The following LRBA variants were observed in gnomAD, a reference collection of about 807,000 sequenced individuals.
The protein encoded by LRBA is lipopolysaccharide-responsive and beige-like anchor protein.
Under a neutral mutation model 330.0 loss-of-function variants are expected in LRBA, and 176 were observed. The observed-to-expected ratio is 0.53, with a 90% CI of 0.47 to 0.60. The LOEUF (loss-of-function observed/expected upper bound fraction) is 0.60, where lower values mean the gene tolerates loss of function less well. LRBA is among the 20% of genes least tolerant of loss of function. The pLI, the probability that LRBA is intolerant of heterozygous loss-of-function variation, is 0.00. For synonymous variants in LRBA, 1,230 were observed against 1,193.0 expected, an observed-to-expected ratio of 1.03 and a Z score of -0.64; for missense variants, 3,259 against 3,444.8, an observed-to-expected ratio of 0.95 and a Z score of 1.35.
At chr4:150,662,860 G>A (rs1781243347) in intron 37 of LRBA, among the ~76,000 whole-genome samples, 2 of 152,140 alleles carry the variant, frequency 1.3e-5, no homozygotes, top group African/African-American at 2.4e-5. Flanking sequence ...AGGAGGCTGA[G>A]GCAAGAGAAT....
At chr4:150,872,520 CTAGTGGGATTACATTTAT>C in intron 18 of LRBA, 125 bp downstream of exon 18, 1 of 519,342 alleles carries the variant, frequency 1.9e-6, no homozygotes, top group Non-Finnish European at 3.4e-6. Flanking sequence ...AAAATATGTA[CTAGTGGGATTACATTTAT>C]ACAGCAATTT....
intron 17 of LRBA, among the ~76,000 whole-genome samples, chr4:150,890,004 G>A (rs1264896911): frequency 2.6e-5 from 4 of 152,034 alleles, no homozygotes; most frequent in African/African-American, 9.7e-5. Context: ...GAATATGATC[G>A]AGAGCAATAA....
intron 17 of LRBA, among the ~76,000 whole-genome samples, chr4:150,891,582 C>T (rs1475820399): frequency 1.3e-5 from 2 of 152,190 alleles, no homozygotes; most frequent in African/African-American, 2.4e-5. Flanking sequence ...AGCAGACTGC[C>T]TTTGGACTTG....
chr4:150,617,901 G>A (rs1474028590), intron 37 of LRBA, among the ~76,000 whole-genome samples: 1 of 152,102 alleles, frequency 6.6e-6, no homozygotes, highest in African/African-American at 2.4e-5. Flanking sequence ...GAGCCCAGGA[G>A]TTCAACACCA....
At chr4:150,787,507 A>T (rs1739252253) in intron 34 of LRBA, among the ~76,000 whole-genome samples, 1 of 152,066 alleles carries the variant, frequency 6.6e-6, no homozygotes, top group African/African-American at 2.4e-5. Flanking sequence ...TTCTATCTCA[A>T]TACTTTTTGT....
intron 24 of LRBA, among the ~76,000 whole-genome samples, chr4:150,850,491 T>C (rs1280793788): frequency 6.6e-6 from 1 of 152,192 alleles, no homozygotes; most frequent in Non-Finnish European, 1.5e-5. Flanking sequence ...GGAAATCTAC[T>C]ACAAATTTTT....
intron 36 of LRBA, among the ~76,000 whole-genome samples, chr4:150,712,083 A>G (rs548995112): frequency 1.3e-5 from 2 of 152,342 alleles, no homozygotes; most frequent in Admixed American, 1.3e-4. Context: ...AGTATACTGT[A>G]GCGATTAAAA....
intron 22 of LRBA, among the ~76,000 whole-genome samples, chr4:150,855,458 CTTTGAT>C (rs1751110900): frequency 6.6e-6 from 1 of 151,992 alleles, no homozygotes; most frequent in Non-Finnish European, 1.5e-5. Flanking sequence ...TAATCATTTG[CTTTGAT>C]TTTATTTATA....
rs559175090 is a variant in LRBA at position 150,310,039 on chromosome 4, T to G, written c.7849+190A>C. Among the ~76,000 whole-genome samples the G allele has an allele frequency of 2.0e-5, 3 of 152,294 alleles. No individual in the cohort carries two copies. The East Asian group carries it at 5.8e-4, about 29-fold the overall frequency. On this transcript the variant is annotated intron_variant, in intron 52 of 56. Coordinates refer to ENST00000651943, the MANE Select transcript of LRBA (RefSeq NM_001364905.1). ...AAAACTGTCTCTTACAAACATGCTG[T>G]AGCAAATTTAATAGTGGACTATATA...
intron 29 of LRBA, among the ~76,000 whole-genome samples, chr4:150,830,342 G>C (rs570030971): frequency 2.0e-5 from 3 of 152,232 alleles, no homozygotes; most frequent in South Asian, 4.1e-4. Context: ...GATCTACCTT[G>C]CTGGAAAGAA....
intron 36 of LRBA, among the ~76,000 whole-genome samples, chr4:150,686,300 A>G (rs1279935685): frequency 2.0e-5 from 3 of 152,216 alleles, no homozygotes; most frequent in African/African-American, 7.2e-5. Flanking sequence ...AATAAATCCT[A>G]CTAAGAACTA....
intron 36 of LRBA, among the ~76,000 whole-genome samples, chr4:150,716,579 T>C (rs188876948): frequency 1.7e-3 from 265 of 152,302 alleles, no homozygotes; most frequent in Admixed American, 3.0e-3. Context: ...AAATTTTCTA[T>C]ATTAAAAAAT....
intron 22 of LRBA, among the ~76,000 whole-genome samples, chr4:150,860,550 G>A (rs949407539): frequency 4.6e-5 from 7 of 152,204 alleles, no homozygotes; most frequent in Non-Finnish European, 8.8e-5. Context: ...CATATAGGCC[G>A]GGCGCGGTGG....
rs1178634394 is a variant in LRBA at position 150,282,664 on chromosome 4, A to G, written c.8120-18T>C. The G allele has an allele frequency of 2.6e-6, 4 of 1,538,212 alleles. No individual in the cohort carries two copies. In the East Asian group the frequency reaches 9.0e-5, roughly 35 times the overall value. ...TGGTCCTTCTGAGAAGAGAGGAGAA[A>G]TAAAAGGCAAAATTATTGAATGAAA... On this transcript the variant is annotated intron_variant, in intron 54 of 56. Coordinates refer to ENST00000651943, the MANE Select transcript of LRBA (RefSeq NM_001364905.1).
At chr4:150,739,552 T>C (rs1212103469) in intron 35 of LRBA, among the ~76,000 whole-genome samples, 1 of 152,102 alleles carries the variant, frequency 6.6e-6, no homozygotes, top group African/African-American at 2.4e-5. Context: ...ATCTTCCCCT[T>C]TAGAGTGTAA....
At chr4:150,269,296 T>G (rs545850425) in intron 56 of LRBA, among the ~76,000 whole-genome samples, 1 of 152,340 alleles carries the variant, frequency 6.6e-6, no homozygotes, top group African/African-American at 2.4e-5. Context: ...ATTGTCACAC[T>G]GATATAGGCA....
At chr4:150,622,766 C>T (rs1245469663) in intron 37 of LRBA, among the ~76,000 whole-genome samples, 2 of 147,264 alleles carry the variant, frequency 1.4e-5, no homozygotes, top group African/African-American at 2.6e-5. Context: ...GGCACTATCT[C>T]GGCTCACTGC....
intron 40 of LRBA, among the ~76,000 whole-genome samples, chr4:150,547,586 T>A (rs770427592): frequency 3.3e-5 from 5 of 152,192 alleles, no homozygotes; most frequent in Non-Finnish European, 7.4e-5. Flanking sequence ...GGCACCATTT[T>A]TCTAAAGCTT....
chr4:150,568,547 A>G (rs1215947378), intron 40 of LRBA, among the ~76,000 whole-genome samples: 1 of 152,140 alleles, frequency 6.6e-6, no homozygotes, highest in Non-Finnish European at 1.5e-5. Context: ...TGAGGACTAT[A>G]CCTGGTTTGA....
Sources: gnomAD v4.1 joint callset for allele counts (sites outside exome capture counted in the v4.1 genomes callset) on GRCh38, gnomAD v4.1.1 for gene constraint, MANE v1.5 for transcripts, NCBI Gene and HGNC (gene_info 2026-07-23, HGNC 2026-07-21) for gene names.